Variants in HIVEP3 observed in about 807,000 individuals in gnomAD.
HIVEP3 encodes the protein HIVEP zinc finger 3.
A neutral mutation model predicts 152.8 loss-of-function variants in HIVEP3; 49 were observed. That is an observed-to-expected ratio of 0.32 (90% CI 0.26 to 0.41). The LOEUF is 0.41. Among genes scored for constraint, HIVEP3 ranks in the 10% least tolerant of loss-of-function variants. The pLI is 1.00. For synonymous variants in HIVEP3, 1,269 were observed against 1,289.0 expected (o/e 0.98, Z 0.33); for missense variants, 2,790 against 3,103.3 (o/e 0.90, Z 2.40).
chr1:41,851,545 C>T lies in HIVEP3; in HGVS notation c.-801+66868G>A, dbSNP rs180792198. 2.9e-3 allele frequency among the ~76,000 whole-genome samples: 435 copies of T among 152,224 alleles called. 2 individuals carry two copies. The highest frequency in any genetic ancestry group is 3.4e-3 in the Middle Eastern group (1 of 294). ...CTCAATCTCTTGACCTCGTGATCTG[C>T]CAGCCTCGGCCTCCCAAAGTGCTGG... On this transcript the variant is annotated intron_variant, in intron 1 of 8. Transcript: ENST00000372583.
At chr1:41,959,010 C>T (rs1645155381) in intron 1 of HIVEP3, among the ~76,000 whole-genome samples, 1 of 152,202 alleles carries the variant, frequency 6.6e-6, no homozygotes, top group South Asian at 2.1e-4. Flanking sequence ...TACCACTGGA[C>T]AGGAGACTTC....
At chr1:41,782,418 C>T (rs917908072) in intron 1 of HIVEP3, among the ~76,000 whole-genome samples, 1 of 152,038 alleles carries the variant, frequency 6.6e-6, no homozygotes, top group Non-Finnish European at 1.5e-5. Context: ...TGTGAATATG[C>T]CACTGTAATG....
At chr1:42,020,558 T>C (rs756519056) in intron 1 of HIVEP3, among the ~76,000 whole-genome samples, 2 of 152,194 alleles carry the variant, frequency 1.3e-5, no homozygotes, top group Non-Finnish European at 2.9e-5. Flanking sequence ...ACTAGTTTTC[T>C]CAAAACCAGT....
In HIVEP3 at chr1:41,776,958, G is replaced by A. The variant is rs533520043; in HGVS notation, c.-800-75963C>T. 3.9e-5 allele frequency among the ~76,000 whole-genome samples: 6 copies of A among 152,326 alleles called. No individual in the cohort carries two copies. The East Asian group carries it at 1.2e-3, about 29-fold the overall frequency. On this transcript the variant is annotated intron_variant, in intron 1 of 8. Transcript: ENST00000372583. ...CTCTGGGAGGGACCAGGGAGGAGAG[G>A]TTAAGCAACCTGCCCAGAGCCACAG...
chr1:41,997,959 T>G (rs981418509), intron 1 of HIVEP3, among the ~76,000 whole-genome samples: 2 of 152,208 alleles, frequency 1.3e-5, no homozygotes, highest in Non-Finnish European at 2.9e-5. Flanking sequence ...TATCAAACTG[T>G]GCTAAACGAT....
intron 1 of HIVEP3, among the ~76,000 whole-genome samples, chr1:41,940,769 T>G (rs964980148): frequency 6.7e-6 from 1 of 149,014 alleles, no homozygotes; most frequent in African/African-American, 2.5e-5. Context: ...TTTGAGAAGG[T>G]GGGGGAAGTG....
intron 2 of HIVEP3, among the ~76,000 whole-genome samples, chr1:41,657,285 A>C (rs1266460504): frequency 6.6e-6 from 1 of 152,234 alleles, no homozygotes; most frequent in Non-Finnish European, 1.5e-5. Context: ...CTAAACTCAC[A>C]CTGATATCCA....
intron 3 of HIVEP3, among the ~76,000 whole-genome samples, chr1:41,608,797 C>T (rs189243136): frequency 6.6e-6 from 1 of 152,090 alleles, no homozygotes; most frequent in Non-Finnish European, 1.5e-5. Flanking sequence ...TTCAGCTGGG[C>T]ACGGTGGCTC....
chr1:41,838,061 C>G (rs1345548457), intron 1 of HIVEP3, among the ~76,000 whole-genome samples: 1 of 152,198 alleles, frequency 6.6e-6, no homozygotes, highest in African/African-American at 2.4e-5. Flanking sequence ...CCCTTTGACA[C>G]AGATGGCCCG....
chr1:41,631,262 T>C (rs1422353899), intron 2 of HIVEP3, among the ~76,000 whole-genome samples: 4 of 152,194 alleles, frequency 2.6e-5, no homozygotes, highest in African/African-American at 9.7e-5. Context: ...GCCCTTCCAC[T>C]TCTGACGTCT....
intron 1 of HIVEP3, among the ~76,000 whole-genome samples, chr1:41,799,796 C>G (rs576049052): frequency 3.9e-5 from 6 of 152,220 alleles, no homozygotes; most frequent in East Asian, 1.9e-4. Flanking sequence ...TGGCACCCCC[C>G]CTTCCCCCCA....
intron 1 of HIVEP3, among the ~76,000 whole-genome samples, chr1:41,756,441 G>A (rs562173846): frequency 1.3e-5 from 2 of 152,264 alleles, no homozygotes; most frequent in East Asian, 3.9e-4. Context: ...CAAAACCACG[G>A]ATTGATTCCT....
intron 1 of HIVEP3, among the ~76,000 whole-genome samples, chr1:41,759,975 T>C (rs1263406554): frequency 6.6e-6 from 1 of 152,154 alleles, no homozygotes; most frequent in East Asian, 1.9e-4. Context: ...AAAACCTTGG[T>C]CAATTTCTTA....
intron 5 of HIVEP3, among the ~76,000 whole-genome samples, chr1:41,527,370 CTGCACTCACACT>C (rs1643015723): frequency 6.9e-6 from 1 of 145,666 alleles, no homozygotes; most frequent in Non-Finnish European, 1.5e-5. Context: ...CTCCACACCC[CTGCACTCACACT>C]CGCACTCACA....
Position 41,908,422 on chromosome 1 carries a change from C to T in HIVEP3, c.-801+9991G>A, listed in dbSNP as rs2124462207. Among the ~76,000 whole-genome samples the T allele has an allele frequency of 1.3e-5, 2 of 152,268 alleles. 1 individual carries two copies. The highest frequency in any genetic ancestry group is 4.1e-4 in the South Asian group (2 of 4,826). On this transcript the variant is annotated intron_variant, in intron 1 of 8. Transcript: ENST00000372583. ...AGCACCCCTACCCAACCCACTAGCA[C>T]CAACTTGTCTTTTATCTTAGCCTGG...
chr1:41,550,199 T>C (rs1413725016), intron 5 of HIVEP3, among the ~76,000 whole-genome samples: 1 of 152,224 alleles, frequency 6.6e-6, no homozygotes, highest in African/African-American at 2.4e-5. Context: ...TGTGTGGTGT[T>C]ATTTCTGAGG....
intron 6 of HIVEP3, among the ~76,000 whole-genome samples, chr1:41,521,019 G>A (rs998647553): frequency 2.6e-5 from 4 of 152,202 alleles, no homozygotes; most frequent in Admixed American, 1.3e-4. Flanking sequence ...CCCACTCCAT[G>A]TGGAGGCAGA....
intron 2 of HIVEP3, among the ~76,000 whole-genome samples, chr1:41,695,218 C>T (rs1335105691): frequency 6.6e-6 from 1 of 152,030 alleles, no homozygotes; most frequent in African/African-American, 2.4e-5. Context: ...GCCATGGAGG[C>T]GGGGTGTTGG....
Position 41,579,740 on chromosome 1 carries a change from T to C in HIVEP3, c.5058A>G (p.Thr1686=), listed in dbSNP as rs1196236818. The part of the protein sequence containing the change: ...VPSSSRKPRM[T]EVHLPSLVSP... Reference sequence around the variant, plus strand: ...AGAAAAACAAGGCTGAACTTACCTCTGTCATGCGGGGCTTGCGGGAGCTGG... The same window carrying C: ...AGAAAAACAAGGCTGAACTTACCTCCGTCATGCGGGGCTTGCGGGAGCTGG... Residue 1686 remains threonine, a synonymous_variant, in exon 4 of 9, where the codon ACA becomes ACG. Coordinates refer to ENST00000372583, the MANE Select transcript of HIVEP3 (RefSeq NM_024503.5). The C allele has an allele frequency of 2.6e-6, 4 of 1,563,646 alleles. No individual in the cohort carries two copies. The African/African-American group carries it at 4.1e-5, about 16-fold the overall frequency.
Sources: gnomAD v4.1 joint callset for allele counts (sites outside exome capture counted in the v4.1 genomes callset) on GRCh38, gnomAD v4.1.1 for gene constraint, MANE v1.5 for transcripts, NCBI Gene and HGNC (gene_info 2026-07-23, HGNC 2026-07-21) for gene names.